CD300LB: variants seen among roughly 807,000 people sequenced by gnomAD.
CD300LB encodes the protein CMRF35-like molecule 7.
Under a neutral mutation model 20.8 loss-of-function variants are expected in CD300LB, and 18 were observed. That is an observed-to-expected ratio of 0.87 (90% CI 0.60 to 1.28). The LOEUF (loss-of-function observed/expected upper bound fraction) is 1.28. Among genes scored for constraint, CD300LB ranks in the 50% most tolerant of loss-of-function variants. CD300LB has a pLI of 0.00. For synonymous variants in CD300LB, 91 were observed against 91.3 expected, an observed-to-expected ratio of 1.00 and a Z score of 0.02; for missense variants, 222 against 251.8, an observed-to-expected ratio of 0.88 and a Z score of 0.80.
intron 2 of CD300LB, 66 bp downstream of exon 2, chr17:74,525,682 G>T: frequency 7.1e-7 from 1 of 1,399,268 alleles, no homozygotes; most frequent in Non-Finnish European, 1.0e-6. Context: ...AGGGGAGCAG[G>T]TAAGAGCACT....
Position 74,521,773 on chromosome 17 carries a change from A to C in CD300LB, c.*965T>G, listed in dbSNP as rs1437267147. ...CACATGGGAAGGTCCCTTTGGTGTG[A>C]GGGTCCCTCAACCATACAGCACAAA... On this transcript the variant is annotated 3_prime_UTR_variant, in exon 4 of 4. Coordinates refer to ENST00000392621, the MANE Select transcript of CD300LB (RefSeq NM_174892.4). The C allele has an allele frequency of 5.1e-6, 5 of 985,446 alleles. No homozygotes were observed. Among genetic ancestry groups the C allele is most frequent in the African/African-American group, 1.7e-5 (1 of 57,228 alleles). The allele number at this position is 985,446 out of a possible 1,614,324, so 61.0% of individuals were successfully genotyped here. A position where few individuals can be genotyped will look rare whatever the true frequency, so the allele number is the denominator to read the frequency against.
rs181593618 is a variant in CD300LB at position 74,527,277 on chromosome 17, G to C, written c.41-1200C>G. ...TGTGTGTAGATAGGCTCTTTCCTTG[G>C]CAATGACACGGGTTTCTTGATCACG... On this transcript the variant is annotated intron_variant, in intron 1 of 3. Transcript: ENST00000392621. Among the ~76,000 whole-genome samples, 8 of 152,120 alleles carry C rather than the reference G, an allele frequency of 5.3e-5. No homozygotes were observed. The East Asian group carries it at 1.5e-3, about 29-fold the overall frequency.
In CD300LB at chr17:74,522,681, G is replaced by A; in HGVS notation, c.*57C>T. 1.9e-6 allele frequency: 3 copies of A among 1,603,818 alleles called. No individual in the cohort carries two copies. Among genetic ancestry groups the A allele is most frequent in the Middle Eastern group, 1.7e-4 (1 of 5,990 alleles). ...AGGACTCGTAGATGTTCCTTCCACAGCCCGAGTCTCTTCTGGAAACGTGGC... is the reference window on the plus strand; with the variant it reads ...AGGACTCGTAGATGTTCCTTCCACAACCCGAGTCTCTTCTGGAAACGTGGC... On this transcript the variant is annotated 3_prime_UTR_variant, in exon 4 of 4. Coordinates refer to ENST00000392621, the MANE Select transcript of CD300LB (RefSeq NM_174892.4).
At position 74,521,696 on chromosome 17, in the gene CD300LB, C is replaced by T. The variant is rs140942306; in HGVS notation, c.*1042G>A. 2.9e-5 allele frequency: 29 copies of T among 985,298 alleles called. No homozygotes were observed. Among genetic ancestry groups the T allele is most frequent in the African/African-American group, 8.7e-5 (5 of 57,214 alleles). The allele number at this position is 985,298 out of a possible 1,614,324, so 61.0% of individuals were successfully genotyped here. A position where few individuals can be genotyped will look rare whatever the true frequency, so the allele number is the denominator to read the frequency against. On this transcript the variant is annotated 3_prime_UTR_variant, in exon 4 of 4. Transcript: ENST00000392621. ...CATGGGTGTTCAAAGGGCAACATGCCGAACATGTGTGGTGTGTTTGCTTGT... is the reference window on the plus strand; with the variant it reads ...CATGGGTGTTCAAAGGGCAACATGCTGAACATGTGTGGTGTGTTTGCTTGT...
Position 74,522,580 on chromosome 17 carries a change from G to T in CD300LB, c.*158C>A. 2 of 1,446,782 alleles carry T rather than the reference G, an allele frequency of 1.4e-6. No individual in the cohort carries two copies. Among genetic ancestry groups the T allele is most frequent in the Non-Finnish European group, 1.8e-6 (2 of 1,103,120 alleles). The allele number at this position is 1,446,782 out of a possible 1,614,324, so 89.6% of individuals were successfully genotyped here. On this transcript the variant is annotated 3_prime_UTR_variant, in exon 4 of 4. Transcript: ENST00000392621. ...GGACCTGGCTAAGTCCCTGAGCTGT[G>T]CAGAACAGGGAGGTGCCCACCAGCT...
At chr17:74,530,167 C>CTT (rs1301020829) in intron 1 of CD300LB, among the ~76,000 whole-genome samples, 1 of 152,224 alleles carries the variant, frequency 6.6e-6, no homozygotes, top group Admixed American at 6.5e-5. Context: ...CAGCCATGCT[C>CTT]TTTCCTGTTG....
chr17:74,524,470 C>A (rs548302044), intron 2 of CD300LB, among the ~76,000 whole-genome samples: 1 of 152,240 alleles, frequency 6.6e-6, no homozygotes, highest in South Asian at 2.1e-4. Context: ...CCCCTGTAGT[C>A]CCAGCTACTC....
Position 74,522,913 on chromosome 17 carries a change from A to T in CD300LB, c.444-13T>A. On this transcript the variant is annotated splice_polypyrimidine_tract_variant and intron_variant, in intron 3 of 3. Transcript: ENST00000392621. ...CATGTAGTGGTTCCTGGGGAAGGGG[A>T]TGCAGTGGTCAGAGCCCTGGGCATC... The T allele has an allele frequency of 1.9e-6, 3 of 1,612,296 alleles. No individual in the cohort carries two copies. The highest frequency in any genetic ancestry group is 2.5e-6 in the Non-Finnish European group (3 of 1,179,628).
At position 74,522,696 on chromosome 17, in the gene CD300LB, G is replaced by A. The variant is rs374957164; in HGVS notation, c.*42C>T. ...TCCTTCCACAGCCCGAGTCTCTTCT[G>A]GAAACGTGGCCAGGGCAGGAAGGCT... On this transcript the variant is annotated 3_prime_UTR_variant, in exon 4 of 4. Coordinates refer to ENST00000392621, the MANE Select transcript of CD300LB (RefSeq NM_174892.4). The A allele has an allele frequency of 6.2e-7, 1 of 1,610,064 alleles. No homozygotes were observed. The highest frequency in any genetic ancestry group is 8.5e-7 in the Non-Finnish European group (1 of 1,177,292).
At position 74,521,741 on chromosome 17, in the gene CD300LB, C is replaced by A; in HGVS notation, c.*997G>T. The A allele has an allele frequency of 1.0e-6, 1 of 985,648 alleles. No individual in the cohort carries two copies. Among genetic ancestry groups the A allele is most frequent in the Non-Finnish European group, 1.2e-6 (1 of 830,060 alleles). The allele number at this position is 985,648 out of a possible 1,614,324, so 61.1% of individuals were successfully genotyped here. On this transcript the variant is annotated 3_prime_UTR_variant, in exon 4 of 4. Transcript: ENST00000392621. ...GCTTGTGGGCAGGTGGGGGCGGGAG[C>A]ACATCTCACATGGGAAGGTCCCTTT...
At position 74,522,115 on chromosome 17, in the gene CD300LB, G is replaced by C. The variant is rs901512756; in HGVS notation, c.*623C>G. 3.0e-6 allele frequency: 3 copies of C among 985,082 alleles called. No individual in the cohort carries two copies. The Admixed American group carries it at 1.8e-4, about 61-fold the overall frequency. The allele number at this position is 985,082 out of a possible 1,614,324, so 61.0% of individuals were successfully genotyped here. A position where few individuals can be genotyped will look rare whatever the true frequency, so the allele number is the denominator to read the frequency against. On this transcript the variant is annotated 3_prime_UTR_variant, in exon 4 of 4. Transcript: ENST00000392621. The stretch of plus-strand genomic sequence containing the variant: ...GTGGGAGGGGGAGGACAAGCACCGG[G>C]CCGGGCCAGGGAGGTTCCCATTGCC...
rs756247163 is a variant in CD300LB at position 74,521,774 on chromosome 17, G to C, written c.*964C>G. Reference sequence around the variant, plus strand: ...ACATGGGAAGGTCCCTTTGGTGTGAGGGTCCCTCAACCATACAGCACAAAG... The same window carrying C: ...ACATGGGAAGGTCCCTTTGGTGTGACGGTCCCTCAACCATACAGCACAAAG... On this transcript the variant is annotated 3_prime_UTR_variant, in exon 4 of 4. Transcript: ENST00000392621. 2.0e-6 allele frequency: 2 copies of C among 985,472 alleles called. No individual in the cohort carries two copies. Among genetic ancestry groups the C allele is most frequent in the South Asian group, 4.7e-5 (1 of 21,294 alleles). The allele number at this position is 985,472 out of a possible 1,614,324, so 61.0% of individuals were successfully genotyped here.
rs1196584529 is a variant in CD300LB, at chr17:74,522,047, G to T, written c.*691C>A. 2 of 985,448 alleles carry T rather than the reference G, an allele frequency of 2.0e-6. No individual in the cohort carries two copies. The highest frequency in any genetic ancestry group is 2.4e-6 in the Non-Finnish European group (2 of 829,970). The allele number at this position is 985,448 out of a possible 1,614,324, so 61.0% of individuals were successfully genotyped here. On this transcript the variant is annotated 3_prime_UTR_variant, in exon 4 of 4. Coordinates refer to ENST00000392621, the MANE Select transcript of CD300LB (RefSeq NM_174892.4). ...TCCCAAGCTGCAGCCCCTCGGAGGT[G>T]GGGGAATAGGCAGGGAGCTTGGGGA...
At chr17:74,529,162 A>G (rs1435677406) in intron 1 of CD300LB, among the ~76,000 whole-genome samples, 1 of 152,094 alleles carries the variant, frequency 6.6e-6, no homozygotes, top group African/African-American at 2.4e-5. Context: ...AATTTAAAAG[A>G]AGACTTGGAT....
Position 74,521,477 on chromosome 17 carries a change from A to G in CD300LB, c.*1261T>C. ...GCTCGAACTCTCCTCTCTGGCCATT[A>G]TGGAATTTTCAGGCCCATCATTGGC... On this transcript the variant is annotated 3_prime_UTR_variant, in exon 4 of 4. Transcript: ENST00000392621. 1.0e-6 allele frequency: 1 copy of G among 985,440 alleles called. No homozygotes were observed. Among genetic ancestry groups the G allele is most frequent in the South Asian group, 4.7e-5 (1 of 21,284 alleles). The allele number at this position is 985,440 out of a possible 1,614,324, so 61.0% of individuals were successfully genotyped here. A position where few individuals can be genotyped will look rare whatever the true frequency, so the allele number is the denominator to read the frequency against.
chr17:74,527,316 A>G (rs1467449392), intron 1 of CD300LB, among the ~76,000 whole-genome samples: 1 of 152,258 alleles, frequency 6.6e-6, no homozygotes, highest in East Asian at 1.9e-4. Context: ...AAGTGGATAA[A>G]CAGGCAGAGA....
chr17:74,528,249 A>G (rs1908094216), intron 1 of CD300LB, among the ~76,000 whole-genome samples: 1 of 151,742 alleles, frequency 6.6e-6, no homozygotes, highest in Admixed American at 6.6e-5. Context: ...TCCTCACCCC[A>G]CTCCTGATGT....
At chr17:74,525,453 C>T (rs1478988129) in intron 2 of CD300LB, among the ~76,000 whole-genome samples, 1 of 152,116 alleles carries the variant, frequency 6.6e-6, no homozygotes, top group Admixed American at 6.5e-5. Flanking sequence ...CAGGGCTGGG[C>T]CACCAGTCAC....
In CD300LB at chr17:74,523,633, G is replaced by A; in HGVS notation, c.389C>T (p.Thr130Ile). The change falls in exon 3 of 4, where the codon ACA becomes ATA. Residue 130 changes from threonine (T) to isoleucine (I), a missense_variant. Physicochemically the swap from Thr to Ile is moderately conservative, Grantham distance 89. Transcript: ENST00000392621. The part of the protein sequence containing the change: ...IVDPEGAAST[T>I]ASSPTNSNMA... ...ATTGCTGTTGGTAGGTGAGCTTGCT[G>A]TTGTGGAAGCCGCTCCCTCTAGACA... is the stretch of plus-strand genomic sequence containing the variant. 6.2e-7 allele frequency: 1 copy of A among 1,613,282 alleles called. No homozygotes were observed. The highest frequency in any genetic ancestry group is 8.5e-7 in the Non-Finnish European group (1 of 1,179,210).
Sources: allele counts gnomAD v4.1 joint callset (sites outside exome capture counted in the v4.1 genomes callset), GRCh38; gene constraint gnomAD v4.1.1; transcripts MANE v1.5; gene names NCBI Gene and HGNC (gene_info 2026-07-23, HGNC 2026-07-21).